The following ENTPD1 variants were observed in gnomAD, a reference collection of about 807,000 sequenced individuals.
ENTPD1 encodes ATP diphosphohydrolase.
Under a neutral mutation model 57.0 loss-of-function variants are expected in ENTPD1, and 33 were observed. That is an observed-to-expected ratio of 0.58 (90% CI 0.44 to 0.77). The LOEUF (loss-of-function observed/expected upper bound fraction) is 0.77. Among genes scored for constraint, ENTPD1 ranks in the 30% least tolerant of loss-of-function variants. The probability of loss-of-function intolerance (pLI) is 0.00; values close to 1 mark genes in which losing one functional copy is unlikely to be tolerated. For missense variants in ENTPD1, 501 were observed against 603.4 expected, an observed-to-expected ratio of 0.83 and a Z score of 1.78; for synonymous variants, 202 against 218.8, an observed-to-expected ratio of 0.92 and a Z score of 0.68.
chr10:95,850,477 A>G (rs139559334), intron 7 of ENTPD1, among the ~76,000 whole-genome samples: 4 of 152,182 alleles, frequency 2.6e-5, no homozygotes, highest in Middle Eastern at 3.4e-3. Context: ...ACAAGCAGTG[A>G]TGGTCTGGGA....
At chr10:95,784,734 G>A (rs1290193338) in intron 1 of ENTPD1, among the ~76,000 whole-genome samples, 1 of 152,192 alleles carries the variant, frequency 6.6e-6, no homozygotes, top group Non-Finnish European at 1.5e-5. Flanking sequence ...GGAGGAGAGA[G>A]AGCTACCCAT....
exon 1 of ENTPD1, chr10:95,711,924 T>C (rs1354550199): frequency 6.2e-7 from 1 of 1,612,468 alleles, no homozygotes; most frequent in South Asian, 1.1e-5. Context: ...GTGAACAGGA[T>C]ACCAAAGCTG....
intron 2 of ENTPD1, among the ~76,000 whole-genome samples, chr10:95,829,377 C>G (rs1372936984): frequency 6.6e-6 from 1 of 152,164 alleles, no homozygotes; most frequent in Non-Finnish European, 1.5e-5. Flanking sequence ...AGGGTTGCTC[C>G]CATCTGGTGT....
At chr10:95,782,002 G>A (rs2098159979) in intron 1 of ENTPD1, among the ~76,000 whole-genome samples, 1 of 152,210 alleles carries the variant, frequency 6.6e-6, no homozygotes. Flanking sequence ...TGAGAGTTCT[G>A]TGAGTAGAAA....
intron 8 of ENTPD1, among the ~76,000 whole-genome samples, chr10:95,861,863 G>T (rs1208917171): frequency 6.6e-6 from 1 of 152,076 alleles, no homozygotes; most frequent in African/African-American, 2.4e-5. Flanking sequence ...GGGCATGGTG[G>T]TGGGCACCTG....
upstream of ENTPD1, chr10:95,756,015 G>A (rs2098021725): frequency 1.4e-6 from 2 of 1,465,348 alleles, no homozygotes; most frequent in East Asian, 5.0e-5. Context: ...TTAGGAAAAT[G>A]AGCTGCTGGA....
upstream of ENTPD1, among the ~76,000 whole-genome samples, chr10:95,708,832 G>T (rs10882654): frequency 0.44 from 67,525 of 152,058 alleles, 16,338 homozygotes; most frequent in Admixed American, 0.54. Context: ...AACAATGTTT[G>T]TGTGGTAGTA....
chr10:95,774,983 TG>T (rs545526136), intron 1 of ENTPD1, among the ~76,000 whole-genome samples: 1 of 152,202 alleles, frequency 6.6e-6, no homozygotes, highest in African/African-American at 2.4e-5. Flanking sequence ...TTCTTCCATT[TG>T]TTTGTGTCCT....
At chr10:95,800,333 C>G (rs1293673922) in intron 1 of ENTPD1, among the ~76,000 whole-genome samples, 1 of 151,986 alleles carries the variant, frequency 6.6e-6, no homozygotes, top group Non-Finnish European at 1.5e-5. Context: ...GGTGTATGAA[C>G]AGGGAGTAAG....
chr10:95,750,613 T>C (rs1203398701), intron 1 of ENTPD1, among the ~76,000 whole-genome samples: 1 of 152,170 alleles, frequency 6.6e-6, no homozygotes, highest in Non-Finnish European at 1.5e-5. Flanking sequence ...ATTTCTTTAT[T>C]GCAATGCAAA....
intron 2 of ENTPD1, chr10:95,833,589 A>G (rs990602860): frequency 6.6e-6 from 1 of 152,256 alleles, no homozygotes; most frequent in Non-Finnish European, 1.5e-5. Context: ...AGGGACCATG[A>G]AAAGTTAATG....
intron 1 of ENTPD1, among the ~76,000 whole-genome samples, chr10:95,808,434 C>G (rs368030902): frequency 1.3e-5 from 2 of 152,120 alleles, no homozygotes; most frequent in Admixed American, 6.5e-5. Context: ...TCATATGCCT[C>G]GTAGAATGAG....
At chr10:95,697,479 C>T in the ENTPD1 span, among the ~76,000 whole-genome samples, 1 of 152,106 alleles carries the variant, frequency 6.6e-6, no homozygotes, top group African/African-American at 2.4e-5. Flanking sequence ...CCCCAATGTG[C>T]AGTATTGAGA....
At position 95,869,984 on chromosome 10, in the gene ENTPD1, TAA is replaced by T. The variant is rs915727723; in HGVS notation, c.*3604_*3605del. 6 of 985,346 alleles carry T rather than the reference TAA, an allele frequency of 6.1e-6. No homozygotes were observed. The African/African-American group carries it at 8.7e-5, about 14-fold the overall frequency. 61.0% of individuals were successfully genotyped at this position (985,346 alleles called of 1,614,324 possible). A position where few individuals can be genotyped will look rare whatever the true frequency, so the allele number is the denominator to read the frequency against. On this transcript the variant is annotated 3_prime_UTR_variant, in exon 10 of 10. Coordinates refer to ENST00000371205, the MANE Select transcript of ENTPD1 (RefSeq NM_001776.6). ...AAAAAATACACGTAAAGTTAAAGTT[TAA>T]AAGACACAGGAACTAAGCCCTCATT...
At chr10:95,829,446 G>A (rs2098389346) in intron 2 of ENTPD1, among the ~76,000 whole-genome samples, 1 of 152,244 alleles carries the variant, frequency 6.6e-6, no homozygotes, top group Admixed American at 6.5e-5. Flanking sequence ...GGGTACCACA[G>A]GTGACAACTT....
chr10:95,807,616 G>A (rs968591709), intron 1 of ENTPD1, among the ~76,000 whole-genome samples: 7 of 152,184 alleles, frequency 4.6e-5, no homozygotes, highest in Admixed American at 6.5e-5. Context: ...CTGCAGACTG[G>A]AGCTGTTCCT....
At chr10:95,701,246 A>G in the ENTPD1 span, among the ~76,000 whole-genome samples, 11 of 152,230 alleles carry the variant, frequency 7.2e-5, no homozygotes, top group African/African-American at 2.7e-4. Context: ...GGACTGCTTG[A>G]GACCAGGAGT....
chr10:95,790,427 G>A (rs980502038), intron 1 of ENTPD1, among the ~76,000 whole-genome samples: 1 of 152,118 alleles, frequency 6.6e-6, no homozygotes, highest in African/African-American at 2.4e-5. Context: ...TTTCAACTCC[G>A]TGGAGGTCAG....
intron 1 of ENTPD1, among the ~76,000 whole-genome samples, chr10:95,776,670 A>G (rs1338316453): frequency 1.3e-5 from 2 of 152,116 alleles, no homozygotes; most frequent in African/African-American, 2.4e-5. Context: ...CGGAATTTGA[A>G]TATTGGCCTG....
Sources: gnomAD v4.1 joint callset for allele counts (sites outside exome capture counted in the v4.1 genomes callset) on GRCh38, gnomAD v4.1.1 for gene constraint, MANE v1.5 for transcripts, NCBI Gene and HGNC (gene_info 2026-07-23, HGNC 2026-07-21) for gene names.